The following FLACC1 variants were observed in gnomAD, a reference collection of about 807,000 sequenced individuals.
FLACC1 encodes the protein flagellum-associated coiled-coil domain-containing protein 1.
FLACC1 carries 66 observed loss-of-function variants against 62.8 expected under a neutral mutation model. The ratio of observed to expected loss-of-function variants is 1.05; its 90% CI spans 0.86 to 1.29. The LOEUF (loss-of-function observed/expected upper bound fraction) is 1.29, where lower values mean the gene tolerates loss of function less well. FLACC1 is among the 50% of genes most tolerant of loss of function. FLACC1 has a pLI of 0.00. For synonymous variants in FLACC1, 156 were observed against 161.0 expected (o/e 0.97, Z 0.24); for missense variants, 452 against 489.1 (o/e 0.92, Z 0.71).
chr2:201,334,753 A>C (rs1189834028), intron 7 of FLACC1, among the ~76,000 whole-genome samples: 1 of 150,698 alleles, frequency 6.6e-6, no homozygotes, highest in African/African-American at 2.4e-5. Flanking sequence ...ATTGCACTCC[A>C]GCCTGGGCAA....
At chr2:201,352,151 G>C (rs748827055) in intron 1 of FLACC1, 8 of 152,150 alleles carry the variant, frequency 5.3e-5, no homozygotes, top group Non-Finnish European at 7.3e-5. Context: ...TGACTCCCAA[G>C]CTCCTTCCTT....
At chr2:201,336,037 C>A (rs1245369347) in intron 7 of FLACC1, among the ~76,000 whole-genome samples, 5 of 151,894 alleles carry the variant, frequency 3.3e-5, no homozygotes, top group Non-Finnish European at 1.5e-5. Flanking sequence ...GGTACATGTA[C>A]ATGTATATAT....
intron 9 of FLACC1, among the ~76,000 whole-genome samples, chr2:201,317,001 C>A (rs186809919): frequency 2.0e-5 from 3 of 152,110 alleles, no homozygotes; most frequent in African/African-American, 7.2e-5. Context: ...ATCCAGCATG[C>A]TTTATGATTA....
At chr2:201,335,888 C>T (rs1392581905) in intron 7 of FLACC1, among the ~76,000 whole-genome samples, 1 of 152,152 alleles carries the variant, frequency 6.6e-6, no homozygotes, top group African/African-American at 2.4e-5. Flanking sequence ...AAATCTTCCA[C>T]TTCCTTGGTT....
Position 201,346,409 on chromosome 2 carries a change from T to G in FLACC1, c.368+133A>C. 1 of 1,259,266 alleles carries G rather than the reference T, an allele frequency of 7.9e-7. No homozygotes were observed. The highest frequency in any genetic ancestry group is 1.1e-6 in the Non-Finnish European group (1 of 910,806). The allele number at this position is 1,259,266 out of a possible 1,614,324, so 78.0% of individuals were successfully genotyped here. A position where few individuals can be genotyped will look rare whatever the true frequency, so the allele number is the denominator to read the frequency against. ...CAGGAAGCAGGGGCGAGGAGGGAGG[T>G]GCCCTTGCGGCCCCTCCAGAGCAGG... is the stretch of plus-strand genomic sequence containing the variant. On this transcript the variant is annotated intron_variant, in intron 5 of 14. Transcript: ENST00000392257. This position sits in a 1 kb window ranked among gnomAD's most constrained non-coding sequence, Gnocchi z 4.0.
chr2:201,339,222 G>A (rs1950756002), intron 7 of FLACC1, among the ~76,000 whole-genome samples: 1 of 152,054 alleles, frequency 6.6e-6, no homozygotes. Flanking sequence ...GTTCATAATA[G>A]TCTCTGATGA....
intron 11 of FLACC1, among the ~76,000 whole-genome samples, chr2:201,306,247 G>T (rs1185099215): frequency 1.3e-5 from 2 of 152,056 alleles, no homozygotes; most frequent in Non-Finnish European, 2.9e-5. Context: ...GAGAGAGAAG[G>T]GGGAGGTGCT....
At chr2:201,331,530 C>T (rs766704574) in intron 7 of FLACC1, among the ~76,000 whole-genome samples, 24 of 152,034 alleles carry the variant, frequency 1.6e-4, no homozygotes, top group Admixed American at 7.2e-4. Flanking sequence ...TAAAATGAGT[C>T]CATATGAGCT....
At chr2:201,338,862 G>A (rs1950747717) in intron 7 of FLACC1, among the ~76,000 whole-genome samples, 1 of 152,098 alleles carries the variant, frequency 6.6e-6, no homozygotes, top group African/African-American at 2.4e-5. Context: ...ATATTGATCC[G>A]TGGTTTTCTT....
At chr2:201,339,984 G>A (rs1271506287) in intron 7 of FLACC1, among the ~76,000 whole-genome samples, 1 of 152,160 alleles carries the variant, frequency 6.6e-6, no homozygotes, top group Non-Finnish European at 1.5e-5. Flanking sequence ...GGTACTCACT[G>A]GTATTGGCAA....
At chr2:201,334,782 TAAA>T (rs35205917) in intron 7 of FLACC1, among the ~76,000 whole-genome samples, 7 of 125,360 alleles carry the variant, frequency 5.6e-5, no homozygotes, top group Non-Finnish European at 5.0e-5. Context: ...AAACTCTGCC[TAAA>T]AAAAAAAAAA....
intron 9 of FLACC1, among the ~76,000 whole-genome samples, chr2:201,316,066 G>A (rs1399448842): frequency 6.6e-6 from 1 of 152,026 alleles, no homozygotes; most frequent in Non-Finnish European, 1.5e-5. Flanking sequence ...AGTGCAAAGA[G>A]GAAAGCTAAA....
At position 201,342,512 on chromosome 2, in the gene FLACC1, A is replaced by G. The variant is rs1950830733; in HGVS notation, c.463-81T>C. 2.1e-6 allele frequency: 3 copies of G among 1,421,682 alleles called. No homozygotes were observed. The South Asian group carries it at 3.5e-5, about 17-fold the overall frequency. The allele number at this position is 1,421,682 out of a possible 1,614,324, so 88.1% of individuals were successfully genotyped here. A position where few individuals can be genotyped will look rare whatever the true frequency, so the allele number is the denominator to read the frequency against. ...TCTGCACCTTCTGAAAAGCCTTCCA[A>G]TTTATGGGGCACAGCCGCCTTCCAA... On this transcript the variant is annotated intron_variant, in intron 6 of 14. Coordinates refer to ENST00000392257, the MANE Select transcript of FLACC1 (RefSeq NM_001127391.3).
intron 7 of FLACC1, among the ~76,000 whole-genome samples, chr2:201,337,719 C>T (rs577986405): frequency 3.4e-4 from 51 of 152,118 alleles, no homozygotes; most frequent in African/African-American, 1.1e-3. Context: ...GACGGTGTCT[C>T]GCTATGTTGT....
chr2:201,346,687 G>A lies in FLACC1; in HGVS notation c.235-12C>T. Reference sequence around the variant, plus strand: ...ACGTTGATCACTTCCTAGGCATCAAGGGAAAGTAAGATAAAATGGCAGACT... The same window carrying A: ...ACGTTGATCACTTCCTAGGCATCAAAGGAAAGTAAGATAAAATGGCAGACT... On this transcript the variant is annotated splice_polypyrimidine_tract_variant and intron_variant, in intron 4 of 14. Coordinates refer to ENST00000392257, the MANE Select transcript of FLACC1 (RefSeq NM_001127391.3). The surrounding 1 kb of genome is among the most constrained non-coding windows in gnomAD (Gnocchi z 4.0). The A allele has an allele frequency of 3.1e-6, 5 of 1,613,860 alleles. No individual in the cohort carries two copies. Among genetic ancestry groups the A allele is most frequent in the Non-Finnish European group, 4.2e-6 (5 of 1,179,970 alleles).
intron 1 of FLACC1, among the ~76,000 whole-genome samples, chr2:201,356,652 A>G (rs188928777): frequency 6.6e-6 from 1 of 152,372 alleles, no homozygotes; most frequent in East Asian, 1.9e-4. Flanking sequence ...AATTATTTGC[A>G]TAAGTGAGAG....
At chr2:201,296,380 G>A (rs937331381) in intron 12 of FLACC1, among the ~76,000 whole-genome samples, 1 of 152,012 alleles carries the variant, frequency 6.6e-6, no homozygotes, top group Non-Finnish European at 1.5e-5. Context: ...GATGAAGCTG[G>A]AAACCATCAT....
At chr2:201,309,635 G>A (rs1040381186) in intron 9 of FLACC1, among the ~76,000 whole-genome samples, 4 of 152,016 alleles carry the variant, frequency 2.6e-5, no homozygotes, top group East Asian at 1.9e-4. Flanking sequence ...GAGGCCGGGC[G>A]CAGTGGCTCA....
intron 7 of FLACC1, among the ~76,000 whole-genome samples, chr2:201,340,971 G>A (rs1950796340): frequency 6.6e-6 from 1 of 152,106 alleles, no homozygotes; most frequent in African/African-American, 2.4e-5. Context: ...AATTACAATT[G>A]TATTGGCACT....
Sources: gnomAD v4.1 joint callset for allele counts (sites outside exome capture counted in the v4.1 genomes callset) on GRCh38, gnomAD v4.1.1 for gene constraint, Gnocchi (gnomAD v3.1) non-coding constraint, MANE v1.5 for transcripts, NCBI Gene and HGNC (gene_info 2026-07-23, HGNC 2026-07-21) for gene names.